MECOM: variants seen among roughly 807,000 people sequenced by gnomAD.
MECOM encodes the protein MDS1 and EVI1 complex locus.
MECOM carries 13 observed loss-of-function variants against 116.3 expected under a neutral mutation model. That is an observed-to-expected ratio of 0.11 (90% CI 0.07 to 0.18). MECOM has a LOEUF of 0.18. Among genes scored for constraint, MECOM ranks in the 10% least tolerant of loss-of-function variants. The probability of loss-of-function intolerance (pLI) is 1.00; values close to 1 mark genes in which losing one functional copy is unlikely to be tolerated. For missense variants in MECOM, 1,299 were observed against 1,509.0 expected (o/e 0.86, Z 2.31); for synonymous variants, 528 against 535.2 (o/e 0.99, Z 0.19).
chr3:169,467,872 C>T (rs1408576896), intron 1 of MECOM, among the ~76,000 whole-genome samples: 1 of 152,168 alleles, frequency 6.6e-6, no homozygotes, highest in Admixed American at 6.5e-5. Flanking sequence ...TGACCCAGCT[C>T]ATGGTCAGCT....
At chr3:169,291,205 G>A (rs918193676) in intron 2 of MECOM, among the ~76,000 whole-genome samples, 1 of 152,070 alleles carries the variant, frequency 6.6e-6, no homozygotes, top group Non-Finnish European at 1.5e-5. Flanking sequence ...TTTGAAAATA[G>A]TCAATAAATC....
chr3:169,190,058 A>G (rs75628658), intron 2 of MECOM, among the ~76,000 whole-genome samples: 8,505 of 152,126 alleles, frequency 0.056, 432 homozygotes, highest in East Asian at 0.3. Flanking sequence ...AGAATGTGAT[A>G]ATATAAATCA....
chr3:169,264,192 G>A (rs1293238784), intron 2 of MECOM, among the ~76,000 whole-genome samples: 1 of 152,106 alleles, frequency 6.6e-6, no homozygotes, highest in Non-Finnish European at 1.5e-5. Context: ...ACCAAAATGG[G>A]AAAATAAACA....
intron 2 of MECOM, among the ~76,000 whole-genome samples, chr3:169,195,067 G>T (rs1443007257): frequency 6.6e-6 from 1 of 151,922 alleles, no homozygotes; most frequent in Non-Finnish European, 1.5e-5. Context: ...TACATAATAA[G>T]AACAGTCATA....
At chr3:169,441,375 G>C (rs1743637814) in intron 1 of MECOM, among the ~76,000 whole-genome samples, 1 of 152,074 alleles carries the variant, frequency 6.6e-6, no homozygotes, top group Non-Finnish European at 1.5e-5. Context: ...TTAACTATTT[G>C]AATCATACCC....
chr3:169,543,228 A>G (rs1760313339), intron 1 of MECOM, among the ~76,000 whole-genome samples: 3 of 152,210 alleles, frequency 2.0e-5, no homozygotes, highest in Admixed American at 2.0e-4. Context: ...TGACTTATAA[A>G]TGCAAGCAAA....
At chr3:169,451,505 T>C (rs1233842501) in intron 1 of MECOM, among the ~76,000 whole-genome samples, 1 of 152,184 alleles carries the variant, frequency 6.6e-6, no homozygotes, top group East Asian at 1.9e-4. Context: ...TGTTTACCTG[T>C]TTGTTTAACA....
chr3:169,492,103 A>C (rs1753167114), intron 1 of MECOM, among the ~76,000 whole-genome samples: 1 of 152,210 alleles, frequency 6.6e-6, no homozygotes, highest in Non-Finnish European at 1.5e-5. Context: ...ACACACATTC[A>C]GTTTCATGGG....
At chr3:169,138,503 A>G (rs1737073138) in intron 3 of MECOM, among the ~76,000 whole-genome samples, 1 of 152,138 alleles carries the variant, frequency 6.6e-6, no homozygotes, top group South Asian at 2.1e-4. Flanking sequence ...ATCCCCCCAA[A>G]GTCAGCTTAG....
At chr3:169,315,092 T>C (rs1719504906) in intron 2 of MECOM, among the ~76,000 whole-genome samples, 1 of 152,188 alleles carries the variant, frequency 6.6e-6, no homozygotes. Context: ...AGTGAGATTG[T>C]TGATCCTCAG....
At chr3:169,636,394 T>C (rs1772758363) in intron 1 of MECOM, among the ~76,000 whole-genome samples, 1 of 152,218 alleles carries the variant, frequency 6.6e-6, no homozygotes. Context: ...TCTTTTCTAA[T>C]GCTCCAAAAC....
At chr3:169,555,941 A>G (rs966734078) in intron 1 of MECOM, among the ~76,000 whole-genome samples, 8 of 152,238 alleles carry the variant, frequency 5.3e-5, no homozygotes, top group African/African-American at 1.9e-4. Flanking sequence ...ATGGGGGACT[A>G]AGTCATGAAC....
Position 169,506,622 on chromosome 3 carries a change from T to C in MECOM, c.38-125098A>G, listed in dbSNP as rs1374524457. Among the ~76,000 whole-genome samples the C allele has an allele frequency of 2.0e-5, 3 of 152,240 alleles. No homozygotes were observed. The East Asian group carries it at 5.8e-4, about 29-fold the overall frequency. On this transcript the variant is annotated intron_variant, in intron 1 of 16. Coordinates refer to ENST00000651503, the MANE Select transcript of MECOM (RefSeq NM_004991.4). ...CTTAATGTTCTGCTTTGTTTTGTTT[T>C]GTTTTTTTCTTCCAGGGGTTATATA...
At chr3:169,333,012 A>G in intron 2 of MECOM, among the ~76,000 whole-genome samples, 1 of 152,234 alleles carries the variant, frequency 6.6e-6, no homozygotes, top group African/African-American at 2.4e-5. Context: ...AAAGTTTTCT[A>G]GAAAAATATG....
chr3:169,161,699 G>T (rs963260097), intron 2 of MECOM, among the ~76,000 whole-genome samples: 9 of 152,116 alleles, frequency 5.9e-5, no homozygotes, highest in African/African-American at 2.2e-4. Flanking sequence ...TATAAGCTGA[G>T]CTTAGTGACA....
intron 1 of MECOM, among the ~76,000 whole-genome samples, chr3:169,571,879 AC>A (rs1465852851): frequency 9.2e-5 from 14 of 152,216 alleles, no homozygotes; most frequent in Non-Finnish European, 2.1e-4. Flanking sequence ...CTAAAACCAT[AC>A]AAAACTCTAG....
intron 7 of MECOM, among the ~76,000 whole-genome samples, chr3:169,119,869 C>T (rs1730416115): frequency 6.6e-6 from 1 of 152,118 alleles, no homozygotes; most frequent in South Asian, 2.1e-4. Flanking sequence ...TAGTCCTCTT[C>T]ACCCGGGGAA....
chr3:169,523,575 G>A (rs944849819), intron 1 of MECOM, among the ~76,000 whole-genome samples: 11 of 151,924 alleles, frequency 7.2e-5, no homozygotes, highest in Non-Finnish European at 1.6e-4. Context: ...CTACCACATC[G>A]GGTTAAGTAC....
At chr3:169,367,764 A>G (rs966069977) in intron 2 of MECOM, among the ~76,000 whole-genome samples, 21 of 152,158 alleles carry the variant, frequency 1.4e-4, no homozygotes, top group African/African-American at 4.8e-4. Flanking sequence ...ATCTGCAAGT[A>G]GTCTATTGGC....
Sources: gnomAD v4.1 joint callset for allele counts (sites outside exome capture counted in the v4.1 genomes callset) on GRCh38, gnomAD v4.1.1 for gene constraint, MANE v1.5 for transcripts, NCBI Gene and HGNC (gene_info 2026-07-23, HGNC 2026-07-21) for gene names.